Variants in NCKAP5L observed in about 807,000 individuals in gnomAD.
NCKAP5L encodes nck-associated protein 5-like.
Under a neutral mutation model 103.2 loss-of-function variants are expected in NCKAP5L, and 54 were observed. The ratio of observed to expected loss-of-function variants is 0.52; its 90% CI spans 0.42 to 0.66. The LOEUF is 0.66. NCKAP5L is among the 30% of genes least tolerant of loss of function. NCKAP5L has a pLI of 0.00. For synonymous variants in NCKAP5L, 762 were observed against 748.6 expected (o/e 1.02, Z -0.29); for missense variants, 1,733 against 1,750.6 (o/e 0.99, Z 0.18).
At chr12:49,819,118 G>C (rs1312424899) in intron 1 of NCKAP5L, among the ~76,000 whole-genome samples, 2 of 151,692 alleles carry the variant, frequency 1.3e-5, no homozygotes, top group Non-Finnish European at 2.9e-5. Context: ...AGATCACGAG[G>C]TCAGGAGATC....
chr12:49,794,085 A>T (rs1490530067), intron 8 of NCKAP5L, among the ~76,000 whole-genome samples, 189 bp from the exon 9 acceptor site: 1 of 152,164 alleles, frequency 6.6e-6, no homozygotes. Flanking sequence ...ACCTTAGGGA[A>T]CCCCAGAGGA....
In NCKAP5L at chr12:49,792,079, A is replaced by G; in HGVS notation, c.3793-28T>C. 1 of 1,493,722 alleles carries G rather than the reference A, an allele frequency of 6.7e-7. No homozygotes were observed. Among genetic ancestry groups the G allele is most frequent in the Non-Finnish European group, 8.9e-7 (1 of 1,125,458 alleles). 92.5% of individuals were successfully genotyped at this position (1,493,722 alleles called of 1,614,324 possible). A position where few individuals can be genotyped will look rare whatever the true frequency, so the allele number is the denominator to read the frequency against. ...GGGAAAGGAGGGGCAGCTCGGGAGG[A>G]AGCTCCTCTCCACCTTTCGGCCCAG... On this transcript the variant is annotated intron_variant, in intron 12 of 12. Coordinates refer to ENST00000335999, the MANE Select transcript of NCKAP5L (RefSeq NM_001037806.4). This position sits in a 1 kb window ranked among gnomAD's most constrained non-coding sequence, Gnocchi z 4.5.
chr12:49,803,224 AG>A, intron 3 of NCKAP5L, 59 bp from the exon 4 acceptor site: 1 of 1,567,806 alleles, frequency 6.4e-7, no homozygotes, highest in Non-Finnish European at 8.8e-7. Flanking sequence ...TTCTTCCCCC[AG>A]GGCACATTCC....
In NCKAP5L at chr12:49,792,377, A is replaced by G; in HGVS notation, c.3792+69T>C. The G allele has an allele frequency of 6.3e-7, 1 of 1,586,856 alleles. No homozygotes were observed. Among genetic ancestry groups the G allele is most frequent in the South Asian group, 1.2e-5 (1 of 86,810 alleles). On this transcript the variant is annotated intron_variant, in intron 12 of 12. Coordinates refer to ENST00000335999, the MANE Select transcript of NCKAP5L (RefSeq NM_001037806.4). The surrounding 1 kb of genome is among the most constrained non-coding windows in gnomAD (Gnocchi z 4.5). ...ACACACAGGCCGTACCTTACTGGAG[A>G]AACTGGTCTCCCCACATCACTCCCT...
At chr12:49,793,702 C>T (rs777989401) in intron 9 of NCKAP5L, 32 bp downstream of exon 9, 3 of 1,516,726 alleles carry the variant, frequency 2.0e-6, no homozygotes, top group Non-Finnish European at 2.6e-6. Flanking sequence ...GAGAGCCAGG[C>T]CGTCCACCCA....
At chr12:49,826,867 CTT>C (rs756951515) in intron 1 of NCKAP5L, among the ~76,000 whole-genome samples, 4 of 152,180 alleles carry the variant, frequency 2.6e-5, no homozygotes, top group African/African-American at 4.8e-5. Flanking sequence ...TCCTCACTCT[CTT>C]CGTGAGGGCC....
intron 1 of NCKAP5L, among the ~76,000 whole-genome samples, chr12:49,806,909 C>T (rs1946186352): frequency 6.6e-6 from 1 of 152,012 alleles, no homozygotes; most frequent in Non-Finnish European, 1.5e-5. Flanking sequence ...GGCGTGAATT[C>T]CATAAATGGA....
At chr12:49,808,655 T>A (rs1440354201) in intron 1 of NCKAP5L, among the ~76,000 whole-genome samples, 1 of 152,192 alleles carries the variant, frequency 6.6e-6, no homozygotes, top group African/African-American at 2.4e-5. Context: ...TCATGGGGGA[T>A]GCCTGCCCAG....
intron 1 of NCKAP5L, among the ~76,000 whole-genome samples, chr12:49,824,408 T>C (rs1030351093): frequency 2.0e-5 from 3 of 152,240 alleles, no homozygotes; most frequent in African/African-American, 7.2e-5. Context: ...AGACTGCTTC[T>C]TGGGGACCCC....
chr12:49,808,709 A>G (rs532046070), intron 1 of NCKAP5L, among the ~76,000 whole-genome samples: 1 of 152,190 alleles, frequency 6.6e-6, no homozygotes, highest in South Asian at 2.1e-4. Context: ...CCAGGGGCTG[A>G]GCACCGCCTC....
intron 1 of NCKAP5L, among the ~76,000 whole-genome samples, chr12:49,814,179 T>C (rs1946272170): frequency 7.0e-6 from 1 of 141,898 alleles, no homozygotes; most frequent in South Asian, 2.2e-4. Flanking sequence ...TATATATATA[T>C]ATGATTTGAA....
At chr12:49,794,070 CA>C (rs1208256581) in intron 8 of NCKAP5L, among the ~76,000 whole-genome samples, 174 bp from the exon 9 acceptor site, 5 of 152,174 alleles carry the variant, frequency 3.3e-5, no homozygotes, top group Non-Finnish European at 7.4e-5. Flanking sequence ...TGGCAACAGG[CA>C]AGGACCTTAG....
rs779840811 is a variant in NCKAP5L at position 49,798,457 on chromosome 12, G to C, written c.358C>G (p.Leu120Val). 1.9e-6 allele frequency: 3 copies of C among 1,575,008 alleles called. No homozygotes were observed. Among genetic ancestry groups the C allele is most frequent in the East Asian group, 2.3e-5 (1 of 43,020 alleles). The change falls in exon 7 of 13, where the codon CTC (leucine) becomes GTC (valine). Residue 120 changes from leucine to valine, a missense_variant. By Grantham distance (32) the Leu-to-Val change is conservative. Coordinates refer to ENST00000335999, the MANE Select transcript of NCKAP5L (RefSeq NM_001037806.4). The stretch of plus-strand genomic sequence containing the variant: ...TCTGATGGTGGCTGGAGTGGAGTGA[G>C]TGGGATCTGCAGAGGGAGAGGCAGA... ...LTTGSLPQIP[L>V]TPLQPPSEPP...
At position 49,794,907 on chromosome 12, in the gene NCKAP5L, C is replaced by T; in HGVS notation, c.2953G>A (p.Glu985Lys). The change falls in exon 8 of 13, where the codon GAG becomes AAG. Residue 985 changes from glutamate (E) to lysine (K), a missense_variant. Transcript: ENST00000335999. ...GCCCGGCTGCTTAGGTAGGCCTTCTCCTCTTCCAGTGCCCGACGCAGGTCT... is the reference window on the plus strand; with the variant it reads ...GCCCGGCTGCTTAGGTAGGCCTTCTTCTCTTCCAGTGCCCGACGCAGGTCT... ...AEDLRRALEE[E>K]KAYLSSRARP... is the part of the protein sequence containing the mutation. The T allele has an allele frequency of 6.5e-7, 1 of 1,534,722 alleles. No individual in the cohort carries two copies. The highest frequency in any genetic ancestry group is 8.8e-7 in the Non-Finnish European group (1 of 1,140,948).
chr12:49,825,376 C>A (rs1946405234), intron 1 of NCKAP5L, among the ~76,000 whole-genome samples: 1 of 152,192 alleles, frequency 6.6e-6, no homozygotes, highest in South Asian at 2.1e-4. Context: ...GGGGAGGGGG[C>A]TGAGAAGCAG....
intron 6 of NCKAP5L, among the ~76,000 whole-genome samples, chr12:49,801,200 T>C (rs1410755390): frequency 6.6e-6 from 1 of 152,168 alleles, no homozygotes; most frequent in Non-Finnish European, 1.5e-5. Flanking sequence ...GCTTCTCTTC[T>C]TGTCAAAGTG....
chr12:49,795,736 C>T lies in NCKAP5L; in HGVS notation c.2124G>A (p.Met708Ile), dbSNP rs374110626. The change falls in exon 8 of 13, where the codon ATG (methionine) becomes ATA (isoleucine). Residue 708 changes from methionine (M) to isoleucine (I), a missense_variant. By Grantham distance (10) the Met-to-Ile change is conservative. Coordinates refer to ENST00000335999, the MANE Select transcript of NCKAP5L (RefSeq NM_001037806.4). ...CCAGTGGCCTGTGGATGGAGGGCAC[C>T]ATGTCTCCAGCACTCTCCCCTGACT... is the stretch of plus-strand genomic sequence containing the variant. ...PGKSGESAGD[M>I]VPSIHRPLEQ... is the part of the protein sequence containing the mutation. 5.0e-6 allele frequency: 8 copies of T among 1,603,930 alleles called. No individual in the cohort carries two copies. The highest frequency in any genetic ancestry group is 6.8e-6 in the Non-Finnish European group (8 of 1,175,618).
Position 49,803,116 on chromosome 12 carries a change from T to C in NCKAP5L, c.173A>G (p.Tyr58Cys). The change falls in exon 4 of 13, where the codon TAT becomes TGT. Residue 58 changes from tyrosine to cysteine, a missense_variant. Physicochemically the swap from Tyr to Cys is radical, Grantham distance 194. Transcript: ENST00000335999. ...AQANENQRET[Y>C]ERCLDEVANH... is the part of the protein sequence containing the mutation. ...ACAGACCTCGTCCAGACAGCGCTCA[T>C]AAGTCTCCCGCTGGTTTTCGTTGGC... is the stretch of plus-strand genomic sequence containing the variant. The C allele has an allele frequency of 6.2e-7, 1 of 1,614,244 alleles. No individual in the cohort carries two copies. Among genetic ancestry groups the C allele is most frequent in the Non-Finnish European group, 8.5e-7 (1 of 1,180,042 alleles).
chr12:49,800,231 C>A (rs1459721607), intron 6 of NCKAP5L, among the ~76,000 whole-genome samples: 1 of 152,224 alleles, frequency 6.6e-6, no homozygotes, highest in Non-Finnish European at 1.5e-5. Flanking sequence ...AGGCCCAGTT[C>A]CACTGTCATT....
Sources: gnomAD v4.1 joint callset for allele counts (sites outside exome capture counted in the v4.1 genomes callset) on GRCh38, gnomAD v4.1.1 for gene constraint, Gnocchi (gnomAD v3.1) non-coding constraint, MANE v1.5 for transcripts, NCBI Gene and HGNC (gene_info 2026-07-23, HGNC 2026-07-21) for gene names.